Variants in CTBP2 observed in about 807,000 individuals in gnomAD.
The protein encoded by CTBP2 is C-terminal-binding protein 2.
A neutral mutation model predicts 80.3 loss-of-function variants in CTBP2; 30 were observed. That is an observed-to-expected ratio of 0.37 (90% CI 0.28 to 0.51). The LOEUF is 0.51. Among genes scored for constraint, CTBP2 ranks in the 20% least tolerant of loss-of-function variants. CTBP2 has a pLI of 0.93. For synonymous variants in CTBP2, 594 were observed against 587.4 expected (o/e 1.01, Z -0.16); for missense variants, 1,212 against 1,375.3 (o/e 0.88, Z 1.88).
intron 2 of CTBP2, among the ~76,000 whole-genome samples, chr10:125,101,252 G>T (rs577780721): frequency 3.8e-4 from 58 of 152,262 alleles, no homozygotes; most frequent in Non-Finnish European, 6.5e-4. Context: ...GCCTCTCCCA[G>T]TGTGGCTCTC....
chr10:125,148,937 C>G lies in CTBP2; in HGVS notation c.-206+11382G>C, dbSNP rs917086278. Among the ~76,000 whole-genome samples, 4 of 152,140 alleles carry G rather than the reference C, an allele frequency of 2.6e-5. No homozygotes were observed. The South Asian group carries it at 8.3e-4, about 32-fold the overall frequency. ...TCAACCCTGAGTGAAAAGCATGCGC[C>G]GTGGAGGAGCGAGGAGAATGGACAC... On this transcript the variant is annotated intron_variant, in intron 1 of 10. Coordinates refer to the CTBP2 transcript ENST00000337195.
At chr10:125,105,326 T>C (rs970811165) in intron 2 of CTBP2, among the ~76,000 whole-genome samples, 1 of 151,736 alleles carries the variant, frequency 6.6e-6, no homozygotes. Context: ...TTTAAAAAAA[T>C]TTTTTTATAG....
At chr10:125,018,757 C>T (rs1019976578) in intron 1 of CTBP2, among the ~76,000 whole-genome samples, 1 of 152,228 alleles carries the variant, frequency 6.6e-6, no homozygotes, top group African/African-American at 2.4e-5. Flanking sequence ...GTGTTCATAT[C>T]TAGCTGGTAT....
chr10:125,105,675 T>C (rs1473844119), intron 2 of CTBP2, among the ~76,000 whole-genome samples: 2 of 152,010 alleles, frequency 1.3e-5, no homozygotes, highest in African/African-American at 4.8e-5. Context: ...ACCAAGACAT[T>C]TTTTTAAAAA....
In CTBP2 at chr10:124,987,190, A is replaced by AAGTT; in HGVS notation, c.*2327_*2328insAACT. The AAGTT allele has an allele frequency of 6.6e-6, 1 of 152,480 alleles. No homozygotes were observed. The highest frequency in any genetic ancestry group is 1.5e-5 in the Non-Finnish European group (1 of 67,998). The allele number at this position is 152,480 out of a possible 1,614,324, so 9.4% of individuals were successfully genotyped here. On this transcript the variant is annotated 3_prime_UTR_variant, in exon 9 of 9. Coordinates refer to ENST00000309035, the MANE Select transcript of CTBP2 (RefSeq NM_022802.3). ...TTAAAACAGCCATAATTATTGTCCC[A>AAGTT]AGATAGAATATAGTCCTTTTTCAAA... is the stretch of plus-strand genomic sequence containing the variant.
At chr10:125,007,496 T>C (rs1561588) in intron 1 of CTBP2, among the ~76,000 whole-genome samples, 29,302 of 152,260 alleles carry the variant, frequency 0.19, 4,793 homozygotes, top group African/African-American at 0.44. Flanking sequence ...GCAAAGTGCG[T>C]GGATCTCACA....
intron 2 of CTBP2, 64 bp downstream of exon 4, chr10:125,003,274 G>A: frequency 6.3e-7 from 1 of 1,591,152 alleles, no homozygotes; most frequent in East Asian, 2.2e-5. Flanking sequence ...GATCTAATGG[G>A]GGGATGCTGG....
At chr10:125,159,654 C>T (rs1565077150) in intron 1 of CTBP2, among the ~76,000 whole-genome samples, 1 of 150,150 alleles carries the variant, frequency 6.7e-6, no homozygotes, top group Non-Finnish European at 1.5e-5. Flanking sequence ...GGCAGCGCCC[C>T]TGGGGACCGA....
chr10:125,102,827 C>T (rs1850840521), intron 2 of CTBP2, among the ~76,000 whole-genome samples: 4 of 152,190 alleles, frequency 2.6e-5, no homozygotes, highest in Admixed American at 2.0e-4. Context: ...AGCTTTGTCT[C>T]GAGGGACCCA....
chr10:125,035,801 C>T (rs1267193824), intron 3 of CTBP2, among the ~76,000 whole-genome samples: 2 of 152,196 alleles, frequency 1.3e-5, no homozygotes, highest in African/African-American at 2.4e-5. Context: ...GTGCAGTTCA[C>T]AATGTCAATT....
intron 2 of CTBP2, among the ~76,000 whole-genome samples, chr10:125,044,707 C>T (rs11599362): frequency 0.086 from 13,139 of 152,228 alleles, 756 homozygotes; most frequent in Admixed American, 0.17. Flanking sequence ...GTGCCACGAT[C>T]GCACCTGTGA....
intron 1 of CTBP2, among the ~76,000 whole-genome samples, chr10:125,155,578 A>G (rs928961908): frequency 1.3e-5 from 2 of 152,046 alleles, no homozygotes; most frequent in African/African-American, 4.8e-5. Context: ...TGGCTTTTGG[A>G]TACTCTCCAT....
At chr10:125,025,961 GGT>G (rs150788520) in intron 1 of CTBP2, 9,961 of 1,162,632 alleles carry the variant, frequency 8.6e-3, no homozygotes, top group South Asian at 0.013. Context: ...CTTGTTTGGT[GGT>G]GTGTGTGTGT....
intron 2 of CTBP2, among the ~76,000 whole-genome samples, chr10:125,071,756 A>T (rs898095969): frequency 6.6e-6 from 1 of 152,188 alleles, no homozygotes; most frequent in Non-Finnish European, 1.5e-5. Flanking sequence ...TCTTCCTTCC[A>T]TCACAAAACC....
At chr10:125,013,420 G>A (rs575748822) in intron 1 of CTBP2, among the ~76,000 whole-genome samples, 3 of 152,314 alleles carry the variant, frequency 2.0e-5, no homozygotes, top group African/African-American at 7.2e-5. Context: ...TGCGGGCACC[G>A]CTGCCGTCAG....
upstream of CTBP2, among the ~76,000 whole-genome samples, chr10:125,032,582 GC>G (rs1179707568): frequency 1.3e-5 from 2 of 152,240 alleles, no homozygotes; most frequent in Non-Finnish European, 2.9e-5. Flanking sequence ...GCATGCATGT[GC>G]CTGTAGAGAC....
Position 125,114,829 on chromosome 10 carries a change from C to T in CTBP2, c.-205-3736G>A, listed in dbSNP as rs925305579. 1.0e-3 allele frequency among the ~76,000 whole-genome samples: 129 copies of T among 128,692 alleles called. 2 individuals are homozygous for T. Among genetic ancestry groups the T allele is most frequent in the African/African-American group, 3.7e-3 (124 of 33,328 alleles). The allele number at this position is 128,692 out of a possible 152,430, so 84.4% of individuals were successfully genotyped here. ...AAATGCAGAGATAACAGAGGCCAGG[C>T]GAGCAGCTCAACCTGGCCTGGCCCC... On this transcript the variant is annotated intron_variant, in intron 1 of 10. Coordinates refer to the CTBP2 transcript ENST00000337195.
At chr10:125,084,699 G>A (rs1847716809) in intron 2 of CTBP2, among the ~76,000 whole-genome samples, 1 of 152,128 alleles carries the variant, frequency 6.6e-6, no homozygotes, top group Non-Finnish European at 1.5e-5. Context: ...CCCTGGCAGA[G>A]GGTGGGTCTG....
chr10:125,019,474 T>TA (rs34198087), intron 1 of CTBP2, among the ~76,000 whole-genome samples: 301 of 147,298 alleles, frequency 2.0e-3, no homozygotes, highest in Middle Eastern at 3.5e-3. Context: ...CTTTCTCACT[T>TA]AAAAAAAAAA....
Sources: allele counts gnomAD v4.1 joint callset (sites outside exome capture counted in the v4.1 genomes callset), GRCh38; gene constraint gnomAD v4.1.1; transcripts MANE v1.5; gene names NCBI Gene and HGNC (gene_info 2026-07-23, HGNC 2026-07-21).